The following COL23A1 variants were observed in gnomAD, a reference collection of about 807,000 sequenced individuals.
COL23A1 encodes collagen type XXIII alpha 1 chain, also known as collagen alpha-1(XXIII) chain.
A neutral mutation model predicts 99.3 loss-of-function variants in COL23A1; 97 were observed. The observed-to-expected ratio is 0.98, with a 90% CI of 0.83 to 1.16. The LOEUF (loss-of-function observed/expected upper bound fraction) is 1.16, where lower values mean the gene tolerates loss of function less well. Ranked by LOEUF, COL23A1 falls within the 50% of genes most tolerant of loss-of-function variation. COL23A1 has a pLI of 0.00. For missense variants in COL23A1, 762 were observed against 757.4 expected, an observed-to-expected ratio of 1.01 and a Z score of -0.07; for synonymous variants, 320 against 308.2, an observed-to-expected ratio of 1.04 and a Z score of -0.40.
intron 18 of COL23A1, 93 bp from the exon 19 acceptor site, chr5:178,249,299 C>A (rs1021590096): frequency 1.8e-5 from 22 of 1,233,314 alleles, no homozygotes; most frequent in Middle Eastern, 1.9e-4. Flanking sequence ...CATGCTAGGG[C>A]CCCACTTTCT....
chr5:178,540,261 T>C lies in COL23A1; in HGVS notation c.361+20421A>G, dbSNP rs559428223. On this transcript the variant is annotated intron_variant, in intron 2 of 28. Coordinates refer to ENST00000390654, the MANE Select transcript of COL23A1 (RefSeq NM_173465.4). Reference sequence around the variant, plus strand: ...TATTTATAGATGGTATGGTAGAAGATACATGGAAAATCTAAAAATATTAGA... The same window carrying C: ...TATTTATAGATGGTATGGTAGAAGACACATGGAAAATCTAAAAATATTAGA... Among the ~76,000 whole-genome samples, 60 of 152,278 alleles carry C rather than the reference T, an allele frequency of 3.9e-4. 1 individual carries two copies. Among genetic ancestry groups the C allele is most frequent in the African/African-American group, 1.4e-3 (60 of 41,560 alleles).
chr5:178,580,418 G>A (rs995243636), intron 1 of COL23A1, among the ~76,000 whole-genome samples: 2 of 148,976 alleles, frequency 1.3e-5, no homozygotes, highest in Non-Finnish European at 1.5e-5. Flanking sequence ...TTCTCCTATA[G>A]CCTCTAGAAG....
chr5:178,333,192 G>A (rs751629386), intron 2 of COL23A1, among the ~76,000 whole-genome samples: 13 of 152,072 alleles, frequency 8.5e-5, no homozygotes, highest in Non-Finnish European at 1.8e-4. Flanking sequence ...TCCTGACCTC[G>A]TGATCCACCC....
rs1765284430 is a variant in COL23A1 at position 178,415,985 on chromosome 5, G to A, written c.362-109066C>T. ...CCTGAAGGATGGGACCAGGGAGGGC[G>A]GACGAAGCTGGGGCAGAGCCAGAGA... On this transcript the variant is annotated intron_variant, in intron 2 of 28. Coordinates refer to ENST00000390654, the MANE Select transcript of COL23A1 (RefSeq NM_173465.4). This position sits in a 1 kb window ranked among gnomAD's most constrained non-coding sequence, Gnocchi z 4.6. Among the ~76,000 whole-genome samples the A allele has an allele frequency of 6.6e-6, 1 of 152,140 alleles. No individual in the cohort carries two copies. The highest frequency in any genetic ancestry group is 1.5e-5 in the Non-Finnish European group (1 of 68,014).
At chr5:178,246,335 G>C in intron 23 of COL23A1, 28 bp from the exon 24 acceptor site, 1 of 1,558,824 alleles carries the variant, frequency 6.4e-7, no homozygotes, top group Non-Finnish European at 8.7e-7. Context: ...GAGTCAAGAG[G>C]CATGCTAGTG....
Position 178,551,291 on chromosome 5 carries a change from G to T in COL23A1, c.361+9391C>A, listed in dbSNP as rs186228928. ...TCTAGTGGTCACAAGAACATCTCCA[G>T]ATTCCAATGGTCAGCACAGAAACTT... On this transcript the variant is annotated intron_variant, in intron 2 of 28. Coordinates refer to ENST00000390654, the MANE Select transcript of COL23A1 (RefSeq NM_173465.4). 7.0e-3 allele frequency among the ~76,000 whole-genome samples: 1,053 copies of T among 151,364 alleles called. 6 individuals carry two copies. Among genetic ancestry groups the T allele is most frequent in the Non-Finnish European group, 0.012 (788 of 67,904 alleles).
intron 3 of COL23A1, among the ~76,000 whole-genome samples, chr5:178,296,905 C>T (rs902129631): frequency 6.6e-6 from 1 of 152,208 alleles, no homozygotes; most frequent in African/African-American, 2.4e-5. Context: ...GTCACAGCCT[C>T]CTAATCCGAC....
chr5:178,579,387 A>C (rs1479070733), intron 1 of COL23A1, among the ~76,000 whole-genome samples: 1 of 152,208 alleles, frequency 6.6e-6, no homozygotes, highest in African/African-American at 2.4e-5. Context: ...ACACTCATTT[A>C]CCGGAGGTCA....
intron 2 of COL23A1, among the ~76,000 whole-genome samples, chr5:178,450,021 G>A (rs1271242956): frequency 2.0e-5 from 3 of 152,114 alleles, no homozygotes; most frequent in Non-Finnish European, 2.9e-5. Flanking sequence ...TGTCACTGTA[G>A]GACCTGTTTA....
intron 2 of COL23A1, among the ~76,000 whole-genome samples, chr5:178,425,740 C>T (rs1485014448): frequency 1.3e-5 from 2 of 152,224 alleles, no homozygotes; most frequent in African/African-American, 4.8e-5. Flanking sequence ...AAGATGGCTG[C>T]AGTGCACCAG....
intron 2 of COL23A1, among the ~76,000 whole-genome samples, chr5:178,495,734 G>A (rs1377898428): frequency 6.6e-6 from 1 of 152,098 alleles, no homozygotes; most frequent in Admixed American, 6.5e-5. Flanking sequence ...AAATAGTGGG[G>A]GCTGAGCTAG....
At chr5:178,243,828 G>A (rs1484298429) in intron 25 of COL23A1, among the ~76,000 whole-genome samples, 6 of 152,208 alleles carry the variant, frequency 3.9e-5, no homozygotes, top group African/African-American at 1.4e-4. Context: ...TGGTGGCATG[G>A]AGTCTCCTTA....
At chr5:178,244,602 C>G (rs1161168030) in intron 25 of COL23A1, among the ~76,000 whole-genome samples, 2 of 152,224 alleles carry the variant, frequency 1.3e-5, no homozygotes, top group African/African-American at 4.8e-5. Flanking sequence ...TCTCGAGCTG[C>G]TGGCTTTACC....
At chr5:178,523,544 G>T (rs974040144) in intron 2 of COL23A1, 3 of 151,984 alleles carry the variant, frequency 2.0e-5, no homozygotes, top group Non-Finnish European at 4.4e-5. Flanking sequence ...GACGGGCCAG[G>T]AGCACCTCCA....
chr5:178,338,961 A>C (rs909239811), intron 2 of COL23A1, among the ~76,000 whole-genome samples: 4 of 152,226 alleles, frequency 2.6e-5, no homozygotes, highest in Admixed American at 1.3e-4. Flanking sequence ...GCTTGGAAAC[A>C]GAAGCTCAGG....
chr5:178,314,623 C>T (rs537297257), intron 2 of COL23A1, among the ~76,000 whole-genome samples: 6 of 152,292 alleles, frequency 3.9e-5, no homozygotes, highest in African/African-American at 7.2e-5. Context: ...ACAACCACAG[C>T]GGCCTGCAAC....
chr5:178,450,254 G>A (rs1040504996), intron 2 of COL23A1, among the ~76,000 whole-genome samples: 2 of 136,198 alleles, frequency 1.5e-5, no homozygotes, highest in African/African-American at 5.0e-5. Context: ...TGTCCGCAAG[G>A]ATCGTTTTCC....
rs191479978 is a variant in COL23A1, at chr5:178,398,430, C to A, written c.362-91511G>T. ...TCACATTGGGTCAGGAGTTCAAGAC[C>A]AGCCTGGGCAACATGGCAAAAACCC... On this transcript the variant is annotated intron_variant, in intron 2 of 28. Transcript: ENST00000390654. Among the ~76,000 whole-genome samples, 327 of 152,268 alleles carry A rather than the reference C, an allele frequency of 2.1e-3. 6 individuals are homozygous for A. Among genetic ancestry groups the A allele is most frequent in the Non-Finnish European group, 9.4e-4 (64 of 68,030 alleles).
intron 2 of COL23A1, among the ~76,000 whole-genome samples, chr5:178,418,632 C>G (rs1049617486): frequency 6.6e-6 from 1 of 152,256 alleles, no homozygotes; most frequent in Non-Finnish European, 1.5e-5. Flanking sequence ...ACCAGCCTCC[C>G]AGCCCCACAG....
Sources: gnomAD v4.1 joint callset for allele counts (sites outside exome capture counted in the v4.1 genomes callset) on GRCh38, gnomAD v4.1.1 for gene constraint, Gnocchi (gnomAD v3.1) non-coding constraint, MANE v1.5 for transcripts, NCBI Gene and HGNC (gene_info 2026-07-23, HGNC 2026-07-21) for gene names.